The following CELF5 variants were observed in gnomAD, a reference collection of about 807,000 sequenced individuals.
CELF5 encodes the protein CUGBP Elav-like family member 5.
CELF5 carries 6 observed loss-of-function variants against 54.9 expected under a neutral mutation model. The observed-to-expected ratio is 0.11, with a 90% CI of 0.06 to 0.22. The LOEUF is 0.22. Ranked by LOEUF, CELF5 falls within the 10% of genes least tolerant of loss-of-function variation. The probability of loss-of-function intolerance (pLI) is 1.00; values close to 1 mark genes in which losing one functional copy is unlikely to be tolerated. For missense variants in CELF5, 401 were observed against 678.6 expected, an observed-to-expected ratio of 0.59 and a Z score of 4.54; for synonymous variants, 271 against 290.9, an observed-to-expected ratio of 0.93 and a Z score of 0.70.
Position 3,290,265 on chromosome 19 carries a change from C to T in CELF5, c.1221C>T (p.Leu407=), listed in dbSNP as rs1370514508. The change falls in exon 11 of 13, where the codon CTC becomes CTT. Residue 407 remains leucine, a synonymous_variant. Coordinates refer to ENST00000292672, the MANE Select transcript of CELF5 (RefSeq NM_021938.4). The part of the protein sequence containing the change: ...PEGCNLFIYH[L]PQEFGDTELT... ...GCTGTAACCTGTTTATCTACCACCT[C>T]CCCCAGGAGTTTGGAGACACGGAGC... 2 of 1,613,908 alleles carry T rather than the reference C, an allele frequency of 1.2e-6. No homozygotes were observed. Among genetic ancestry groups the T allele is most frequent in the East Asian group, 2.2e-5 (1 of 44,872 alleles).
At chr19:3,279,299 G>C (rs2080109582) in intron 5 of CELF5, among the ~76,000 whole-genome samples, 1 of 152,074 alleles carries the variant, frequency 6.6e-6, no homozygotes, top group Non-Finnish European at 1.5e-5. Context: ...GGAGGACCAA[G>C]GAGGCACTGG....
chr19:3,244,406 TTGTG>T (rs2079532246), intron 1 of CELF5, among the ~76,000 whole-genome samples: 1 of 149,206 alleles, frequency 6.7e-6, no homozygotes, highest in Admixed American at 6.7e-5. Context: ...TGTGCATGCA[TTGTG>T]TGTATGTGTG....
chr19:3,281,804 C>A lies in CELF5; in HGVS notation c.751-322C>A, dbSNP rs569756916. 3.9e-5 allele frequency among the ~76,000 whole-genome samples: 6 copies of A among 152,088 alleles called. No homozygotes were observed. Among genetic ancestry groups the A allele is most frequent in the East Asian group, 1.9e-4 (1 of 5,176 alleles). Reference sequence around the variant, plus strand: ...GTCTGAGCCTCACTTCCTAACCGAGCCTTGATCCTAGATTGAGCCTTAGTC... The same window carrying A: ...GTCTGAGCCTCACTTCCTAACCGAGACTTGATCCTAGATTGAGCCTTAGTC... On this transcript the variant is annotated intron_variant, in intron 6 of 12. Coordinates refer to ENST00000292672, the MANE Select transcript of CELF5 (RefSeq NM_021938.4). The surrounding 1 kb of genome is among the most constrained non-coding windows in gnomAD (Gnocchi z 6.5).
chr19:3,229,378 G>A (rs965984139), intron 1 of CELF5, among the ~76,000 whole-genome samples: 3 of 152,146 alleles, frequency 2.0e-5, no homozygotes, highest in South Asian at 2.1e-4. Flanking sequence ...TTTAGGGGAC[G>A]GAGACAGCTG....
intron 9 of CELF5, 49 bp downstream of exon 9, chr19:3,285,013 C>G (rs532824895): frequency 2.1e-6 from 3 of 1,455,492 alleles, no homozygotes; most frequent in Non-Finnish European, 2.8e-6. Flanking sequence ...CCGCCCCCGC[C>G]TAGGGCCCCG....
At chr19:3,249,638 C>A (rs1395731179) in intron 1 of CELF5, among the ~76,000 whole-genome samples, 1 of 152,236 alleles carries the variant, frequency 6.6e-6, no homozygotes, top group Non-Finnish European at 1.5e-5. Context: ...GGGCTGGCCC[C>A]GCCCCTCACC....
chr19:3,293,659 T>G, intron 12 of CELF5, 173 bp downstream of exon 12: 4 of 567,700 alleles, frequency 7.0e-6, no homozygotes, highest in Non-Finnish European at 9.3e-6. Context: ...ACACCCCCGA[T>G]CCCCCTGTGG....
In CELF5 at chr19:3,281,234, C is replaced by T; in HGVS notation, c.639C>T (p.Asp213=). 6.2e-7 allele frequency: 1 copy of T among 1,609,924 alleles called. No homozygotes were observed. Among genetic ancestry groups the T allele is most frequent in the Non-Finnish European group, 8.5e-7 (1 of 1,179,620 alleles). ...CCAGCCTGGTGGTCAAGTTCGCCGA[C>T]ACGGACAAGGAGCGGACGCTCCGGC... ...ASSSLVVKFA[D]TDKERTLRRM... The change falls in exon 6 of 13, where the codon GAC becomes GAT. Residue 213 remains aspartate (D), a synonymous_variant. Coordinates refer to ENST00000292672, the MANE Select transcript of CELF5 (RefSeq NM_021938.4). This position sits in a 1 kb window ranked among gnomAD's most constrained non-coding sequence, Gnocchi z 6.5.
chr19:3,272,113 A>C (rs2079974907), intron 2 of CELF5, among the ~76,000 whole-genome samples: 1 of 152,192 alleles, frequency 6.6e-6, no homozygotes, highest in Non-Finnish European at 1.5e-5. Context: ...CACGCCTGTA[A>C]TCCCAGCAAT....
At chr19:3,248,839 C>CTT (rs1288563955) in intron 1 of CELF5, among the ~76,000 whole-genome samples, 3 of 149,586 alleles carry the variant, frequency 2.0e-5, no homozygotes, top group Non-Finnish European at 4.5e-5. Flanking sequence ...CTACTACAAA[C>CTT]TTTTTTCTTT....
At chr19:3,248,009 C>T (rs1467005425) in intron 1 of CELF5, among the ~76,000 whole-genome samples, 1 of 152,090 alleles carries the variant, frequency 6.6e-6, no homozygotes, top group Non-Finnish European at 1.5e-5. Flanking sequence ...AGATGATCCA[C>T]CGGCCTCTGC....
chr19:3,255,406 A>C (rs1254584209), intron 2 of CELF5, among the ~76,000 whole-genome samples: 1 of 151,658 alleles, frequency 6.6e-6, no homozygotes, highest in African/African-American at 2.4e-5. Flanking sequence ...CTGGTTTTGA[A>C]CTCCTGACCT....
intron 2 of CELF5, among the ~76,000 whole-genome samples, chr19:3,269,126 C>T (rs2079922884): frequency 6.6e-6 from 1 of 152,008 alleles, no homozygotes; most frequent in Admixed American, 6.6e-5. Flanking sequence ...AAGGGGTCCA[C>T]CTTCCTTCCT....
chr19:3,293,768 G>A, intron 12 of CELF5: 2 of 303,746 alleles, frequency 6.6e-6, no homozygotes, highest in Non-Finnish European at 1.3e-5. Flanking sequence ...GGCTTTGAGG[G>A]CTGAATAGAA....
chr19:3,283,962 C>T (rs935541469), intron 8 of CELF5, among the ~76,000 whole-genome samples: 2 of 151,812 alleles, frequency 1.3e-5, no homozygotes, highest in Non-Finnish European at 2.9e-5. Flanking sequence ...CTCAGCCTCC[C>T]AAGTCACTGG....
rs945070581 is a variant in CELF5 at position 3,242,419 on chromosome 19, C to T, written c.260-8566C>T. Reference sequence around the variant, plus strand: ...GGTGCAGTGACTCATGCCTGTAATCCCAGTACTTTGGGAGGCTGAGGTGGG... The same window carrying T: ...GGTGCAGTGACTCATGCCTGTAATCTCAGTACTTTGGGAGGCTGAGGTGGG... On this transcript the variant is annotated intron_variant, in intron 1 of 12. Coordinates refer to ENST00000292672, the MANE Select transcript of CELF5 (RefSeq NM_021938.4). Among the ~76,000 whole-genome samples the T allele has an allele frequency of 2.0e-5, 3 of 152,220 alleles. 1 individual carries two copies. In the Middle Eastern group the frequency reaches 0.01, roughly 518 times the overall value.
Position 3,224,702 on chromosome 19 carries a change from C to CCCG in CELF5, c.-22_-20dup, listed in dbSNP as rs979641198. On this transcript the variant is annotated 5_prime_UTR_variant, in exon 1 of 13. Coordinates refer to ENST00000292672, the MANE Select transcript of CELF5 (RefSeq NM_021938.4). Reference sequence around the variant, plus strand: ...GCTCCAGCTGCGAGTCCGCCCGCCGCCCGCCGCCGCCGCCGCCGGCTCGGT... The same window carrying CCCG: ...GCTCCAGCTGCGAGTCCGCCCGCCGCCCGCCGCCGCCGCCGCCGCCGGCTCGGT... The CCCG allele has an allele frequency of 9.4e-4, 947 of 1,008,762 alleles. 1 individual carries two copies. Among genetic ancestry groups the CCCG allele is most frequent in the East Asian group, 2.0e-3 (20 of 9,784 alleles). 62.5% of individuals were successfully genotyped at this position (1,008,762 alleles called of 1,614,324 possible).
intron 2 of CELF5, among the ~76,000 whole-genome samples, chr19:3,266,961 C>T (rs571085373): frequency 3.9e-5 from 6 of 152,312 alleles, no homozygotes; most frequent in African/African-American, 1.2e-4. Flanking sequence ...TGCACACGCC[C>T]GCACGAGCAC....
intron 2 of CELF5, among the ~76,000 whole-genome samples, chr19:3,263,885 A>T (rs2079843805): frequency 6.6e-6 from 1 of 152,224 alleles, no homozygotes; most frequent in Non-Finnish European, 1.5e-5. Context: ...AGGCTGGGCG[A>T]TACAGTGAGA....
Sources: allele counts gnomAD v4.1 joint callset (sites outside exome capture counted in the v4.1 genomes callset), GRCh38; gene constraint gnomAD v4.1.1; non-coding constraint Gnocchi (gnomAD v3.1); transcripts MANE v1.5; gene names NCBI Gene and HGNC (gene_info 2026-07-23, HGNC 2026-07-21).